The following OTUD4 variants were observed in gnomAD, a reference collection of about 807,000 sequenced individuals.
OTUD4 encodes the protein OTU domain-containing protein 4.
In OTUD4, 24 loss-of-function variants were observed where a neutral mutation model predicts 130.4. The ratio of observed to expected loss-of-function variants is 0.18; its 90% confidence interval spans 0.13 to 0.26. The LOEUF is 0.26. OTUD4 is among the 10% of genes least tolerant of loss of function. The pLI is 1.00. For synonymous variants in OTUD4, 420 were observed against 472.5 expected (o/e 0.89, Z 1.44); for missense variants, 1,031 against 1,329.4 (o/e 0.78, Z 3.49).
At chr4:145,169,485 T>A (rs1752045104) in intron 3 of OTUD4, among the ~76,000 whole-genome samples, 2 of 152,186 alleles carry the variant, frequency 1.3e-5, no homozygotes, top group South Asian at 4.1e-4. Context: ...GGCAAAAAAA[T>A]ATATTTATTT....
chr4:145,162,983 A>G (rs967732277), intron 5 of OTUD4, among the ~76,000 whole-genome samples: 2 of 152,210 alleles, frequency 1.3e-5, no homozygotes, highest in Admixed American at 6.5e-5. Flanking sequence ...ATATATGAAA[A>G]CATGCTTTCA....
In OTUD4 at chr4:145,138,486, A is replaced by G; in HGVS notation, c.2289T>C (p.Cys763=). Residue 763 remains cysteine (C), a synonymous_variant, in exon 21 of 21, where the codon TGT becomes TGC. Transcript: ENST00000447906. Reference sequence around the variant, plus strand: ...TCTGCATAGGAAAGTGGGCATCAGTACAGGTACAATCACTTTCATTCTGAG... The same window carrying G: ...TCTGCATAGGAAAGTGGGCATCAGTGCAGGTACAATCACTTTCATTCTGAG... The part of the protein sequence containing the change: ...PAAQNESDCT[C]TDAHFPMQTE... The G allele has an allele frequency of 2.5e-6, 4 of 1,614,014 alleles. No homozygotes were observed. The highest frequency in any genetic ancestry group is 3.4e-6 in the Non-Finnish European group (4 of 1,179,874).
intron 3 of OTUD4, among the ~76,000 whole-genome samples, chr4:145,169,135 C>T (rs1461945633): frequency 1.3e-5 from 2 of 152,084 alleles, no homozygotes; most frequent in Non-Finnish European, 2.9e-5. Context: ...AGGGGATAGG[C>T]GGAAGAGGAT....
chr4:145,152,874 C>T (rs1336449786), intron 10 of OTUD4, among the ~76,000 whole-genome samples: 1 of 149,888 alleles, frequency 6.7e-6, no homozygotes, highest in African/African-American at 2.5e-5. Flanking sequence ...GTGTGTGACA[C>T]CACACTCGGC....
intron 1 of OTUD4, among the ~76,000 whole-genome samples, 189 bp from the exon 2 acceptor site, chr4:145,174,933 CAT>C (rs1441567706): frequency 1.3e-5 from 2 of 152,224 alleles, no homozygotes; most frequent in African/African-American, 2.4e-5. Flanking sequence ...GAAGACATGA[CAT>C]ATACAAACAA....
rs201150030 is a variant in OTUD4, at chr4:145,137,064, C to T, written c.*366G>A. The T allele has an allele frequency of 5.6e-6, 1 of 177,746 alleles. No homozygotes were observed. The highest frequency in any genetic ancestry group is 1.6e-4 in the East Asian group (1 of 6,368). 11.0% of individuals were successfully genotyped at this position (177,746 alleles called of 1,614,324 possible). On this transcript the variant is annotated 3_prime_UTR_variant, in exon 21 of 21. Coordinates refer to ENST00000447906, the MANE Select transcript of OTUD4 (RefSeq NM_001366057.1). ...TCACTTTAGTAAACACTATAAAGCACACATTTCCAACATCTGAAATCAAAC... is the reference window on the plus strand; with the variant it reads ...TCACTTTAGTAAACACTATAAAGCATACATTTCCAACATCTGAAATCAAAC...
intron 14 of OTUD4, among the ~76,000 whole-genome samples, chr4:145,144,648 C>T (rs180713246): frequency 3.4e-4 from 51 of 152,228 alleles, no homozygotes; most frequent in African/African-American, 1.2e-3. Context: ...AAGGATTAAG[C>T]AATCAGATTT....
intron 1 of OTUD4, chr4:145,179,464 G>A (rs779549675): frequency 4.8e-5 from 15 of 310,196 alleles, no homozygotes; most frequent in Non-Finnish European, 7.2e-5. Flanking sequence ...CTCAAACGAA[G>A]GGAAGGAAGG....
At chr4:145,161,111 A>AAACAACAACAACAACAAC (rs70956827) in intron 6 of OTUD4, among the ~76,000 whole-genome samples, 7 of 150,812 alleles carry the variant, frequency 4.6e-5, no homozygotes, top group East Asian at 2.0e-4. Context: ...CTCCACCTCA[A>AAACAACAACAACAACAAC]AACAACAACA....
In OTUD4 at chr4:145,138,451, C is replaced by G. The variant is rs1443623451; in HGVS notation, c.2324G>C (p.Ser775Thr). 1 of 1,614,170 alleles carries G rather than the reference C, an allele frequency of 6.2e-7. No individual in the cohort carries two copies. The highest frequency in any genetic ancestry group is 1.1e-5 in the South Asian group (1 of 91,070). Residue 775 changes from serine (S) to threonine (T), a missense_variant, in exon 21 of 21, where the codon AGT (serine) becomes ACT (threonine). Coordinates refer to ENST00000447906, the MANE Select transcript of OTUD4 (RefSeq NM_001366057.1). Reference sequence around the variant, plus strand: ...TGGCTGTGGCATTTGACCATTAACACTGGCCTCAGTCTGCATAGGAAAGTG... The same window carrying G: ...TGGCTGTGGCATTTGACCATTAACAGTGGCCTCAGTCTGCATAGGAAAGTG... ...DAHFPMQTEA[S>T]VNGQMPQPEI...
In OTUD4 at chr4:145,143,425, A is replaced by G. The variant is rs370119308; in HGVS notation, c.1623T>C (p.Tyr541=). ...ACTTTGATGGTGATGAAACTGTTGC[A>G]TATTTATCATCAGTAATATTCTTTG... The part of the protein sequence containing the change: ...STLENITDDK[Y]ATVSSPSKSK... Residue 541 remains tyrosine (Y), a synonymous_variant, in exon 17 of 21, where the codon TAT becomes TAC. Coordinates refer to ENST00000447906, the MANE Select transcript of OTUD4 (RefSeq NM_001366057.1). 19 of 1,608,248 alleles carry G rather than the reference A, an allele frequency of 1.2e-5. No individual in the cohort carries two copies. The African/African-American group carries it at 2.0e-4, about 17-fold the overall frequency.
intron 11 of OTUD4, among the ~76,000 whole-genome samples, 163 bp downstream of exon 11, chr4:145,152,378 T>A (rs1335493044): frequency 6.6e-6 from 1 of 152,212 alleles, no homozygotes; most frequent in Non-Finnish European, 1.5e-5. Flanking sequence ...CCCAAAGTGC[T>A]AGGATTACAG....
At chr4:145,152,985 T>C (rs1751135902) in intron 10 of OTUD4, among the ~76,000 whole-genome samples, 2 of 151,940 alleles carry the variant, frequency 1.3e-5, no homozygotes, top group Admixed American at 6.6e-5. Context: ...TCCACCCGCC[T>C]AGGCCTCCCG....
intron 5 of OTUD4, among the ~76,000 whole-genome samples, chr4:145,163,863 C>T (rs1451441641): frequency 2.6e-5 from 4 of 152,070 alleles, no homozygotes; most frequent in Admixed American, 6.5e-5. Context: ...TGTGCCACCA[C>T]GCCCGGCTAA....
chr4:145,143,098 C>T (rs908411145), intron 17 of OTUD4, among the ~76,000 whole-genome samples: 1 of 152,018 alleles, frequency 6.6e-6, no homozygotes, highest in Non-Finnish European at 1.5e-5. Flanking sequence ...ATAACGATAA[C>T]AAATATAAAT....
intron 13 of OTUD4, among the ~76,000 whole-genome samples, chr4:145,150,116 C>T (rs1004022699): frequency 2.6e-5 from 4 of 152,258 alleles, no homozygotes; most frequent in African/African-American, 9.6e-5. Flanking sequence ...TCAAAGTAAA[C>T]CAATAATTTT....
At chr4:145,154,981 G>C (rs1177589214) in intron 10 of OTUD4, among the ~76,000 whole-genome samples, 1 of 152,078 alleles carries the variant, frequency 6.6e-6, no homozygotes, top group Non-Finnish European at 1.5e-5. Context: ...CTCCTCTGTG[G>C]CTCACTTTCT....
chr4:145,176,096 A>G (rs1191570562), intron 1 of OTUD4, among the ~76,000 whole-genome samples: 1 of 148,642 alleles, frequency 6.7e-6, no homozygotes, highest in Non-Finnish European at 1.5e-5. Context: ...GGGTTTCACC[A>G]TGTTGGGCAG....
Position 145,137,258 on chromosome 4 carries a change from GC to G in OTUD4, c.*171del, listed in dbSNP as rs1286675992. On this transcript the variant is annotated 3_prime_UTR_variant, in exon 21 of 21. Transcript: ENST00000447906. ...AACTGGCAATGCCAGGAATTAACCT[GC>G]CCCCTTGAACTCATGTCCAAAATGT... 3 of 508,756 alleles carry G rather than the reference GC, an allele frequency of 5.9e-6. No homozygotes were observed. In the Admixed American group the frequency reaches 1.1e-4, roughly 18 times the overall value. The allele number at this position is 508,756 out of a possible 1,614,324, so 31.5% of individuals were successfully genotyped here. A position where few individuals can be genotyped will look rare whatever the true frequency, so the allele number is the denominator to read the frequency against.
Sources: gnomAD v4.1 joint callset for allele counts (sites outside exome capture counted in the v4.1 genomes callset) on GRCh38, gnomAD v4.1.1 for gene constraint, MANE v1.5 for transcripts, NCBI Gene and HGNC (gene_info 2026-07-23, HGNC 2026-07-21) for gene names.